The following ACYP2 variants were observed in gnomAD, a reference collection of about 807,000 sequenced individuals.
The protein encoded by ACYP2 is acylphosphatase 2.
Under a neutral mutation model 11.2 loss-of-function variants are expected in ACYP2, and 12 were observed. That is an observed-to-expected ratio of 1.08 (90% CI 0.69 to 1.74). ACYP2 has a LOEUF of 1.74. Ranked by LOEUF, ACYP2 falls within the 40% of genes most tolerant of loss-of-function variation. The probability of loss-of-function intolerance (pLI) is 0.00; values close to 1 mark genes in which losing one functional copy is unlikely to be tolerated. For missense variants in ACYP2, 134 were observed against 101.9 expected, an observed-to-expected ratio of 1.31 and a Z score of -1.35; for synonymous variants, 43 against 32.2, an observed-to-expected ratio of 1.33 and a Z score of -1.13.
chr2:54,273,494 C>A (rs1688407545), intron 6 of ACYP2, among the ~76,000 whole-genome samples: 3 of 152,146 alleles, frequency 2.0e-5, no homozygotes, highest in African/African-American at 7.2e-5. Flanking sequence ...TAGACAGATT[C>A]TGGCTCTGTT....
At chr2:54,220,384 A>C (rs1002984959) in intron 6 of ACYP2, among the ~76,000 whole-genome samples, 1 of 152,176 alleles carries the variant, frequency 6.6e-6, no homozygotes, top group Non-Finnish European at 1.5e-5. Context: ...CTAGAATTTT[A>C]AGTCTATTGA....
chr2:54,107,594 T>G (rs1679233854), intron 4 of ACYP2, among the ~76,000 whole-genome samples: 1 of 152,206 alleles, frequency 6.6e-6, no homozygotes, highest in South Asian at 2.1e-4. Flanking sequence ...AAACAGAAAT[T>G]GTTTAACACT....
intron 6 of ACYP2, among the ~76,000 whole-genome samples, chr2:54,297,848 AC>A (rs1689579754): frequency 6.6e-6 from 1 of 152,226 alleles, no homozygotes; most frequent in Non-Finnish European, 1.5e-5. Flanking sequence ...CTTGAGCAAA[AC>A]TGGAGAAAAT....
chr2:54,249,865 AG>A lies in ACYP2; in HGVS notation c.405-54821del, dbSNP rs552405142. Among the ~76,000 whole-genome samples the A allele has an allele frequency of 2.0e-5, 3 of 147,958 alleles. No individual in the cohort carries two copies. The East Asian group carries it at 6.1e-4, about 30-fold the overall frequency. On this transcript the variant is annotated intron_variant, in intron 6 of 6. Transcript: ENST00000607452. ...TGGCTGAGGCAGATCACTTGAGCCC[AG>A]GAACAGTGAGGCTGCAGTGAGCTGT...
At position 54,051,457 on chromosome 2, in the gene ACYP2, A is replaced by G. The variant is rs1296660599; in HGVS notation, c.155+407A>G. ...CTATATCCCTCCTAAACGGGTGACA[A>G]AAAAGAAGTTTGAGGATCCCAGTGC... On this transcript the variant is annotated intron_variant, in intron 3 of 6. Transcript: ENST00000607452. The G allele has an allele frequency of 1.0e-5, 7 of 693,906 alleles. No homozygotes were observed. The East Asian group carries it at 1.5e-4, about 15-fold the overall frequency. 43.0% of individuals were successfully genotyped at this position (693,906 alleles called of 1,614,324 possible).
At chr2:54,087,855 C>T (rs1290139275) in intron 4 of ACYP2, among the ~76,000 whole-genome samples, 3 of 152,102 alleles carry the variant, frequency 2.0e-5, no homozygotes, top group Admixed American at 1.3e-4. Context: ...GACAGATTCC[C>T]GAACATGAAA....
intron 6 of ACYP2, among the ~76,000 whole-genome samples, chr2:54,180,312 G>A (rs1397228679): frequency 6.6e-6 from 1 of 151,828 alleles, no homozygotes; most frequent in Non-Finnish European, 1.5e-5. Flanking sequence ...ATTGGCCATT[G>A]GAGATCAGCT....
At chr2:53,997,534 G>A (rs1672630740) in intron 2 of ACYP2, among the ~76,000 whole-genome samples, 1 of 141,266 alleles carries the variant, frequency 7.1e-6, no homozygotes, top group African/African-American at 2.5e-5. Context: ...TCGAACTCCT[G>A]ACCTCAGGTG....
intron 6 of ACYP2, chr2:54,256,159 G>C (rs771035317): frequency 1.3e-5 from 21 of 1,606,210 alleles, no homozygotes; most frequent in Admixed American, 1.7e-5. Context: ...CATGTTGGTA[G>C]CGGCCAGGGC....
At chr2:53,973,825 A>G in intron 2 of ACYP2, 1 of 282,872 alleles carries the variant, frequency 3.5e-6, no homozygotes, top group Non-Finnish European at 6.5e-6. Flanking sequence ...TTGGAATAAA[A>G]GGAGGGATTT....
chr2:54,022,033 C>T (rs774068327), intron 2 of ACYP2, among the ~76,000 whole-genome samples: 1 of 152,160 alleles, frequency 6.6e-6, no homozygotes, highest in African/African-American at 2.4e-5. Context: ...TATTACTGAG[C>T]TTGCTTTCCC....
At chr2:54,007,919 G>A (rs958877758) in intron 2 of ACYP2, among the ~76,000 whole-genome samples, 5 of 152,126 alleles carry the variant, frequency 3.3e-5, no homozygotes, top group Admixed American at 1.3e-4. Flanking sequence ...TTAGTTTTGG[G>A]AAGGGCTACT....
rs578131934 is a variant in ACYP2 at position 54,171,017 on chromosome 2, C to A, written c.404+32269C>A. ...TGGTTGTACTGGGAGGCTATCAAGA[C>A]TATCGGGAGGGCTCGGCATTTCATA... is the stretch of plus-strand genomic sequence containing the variant. On this transcript the variant is annotated intron_variant, in intron 6 of 6. Transcript: ENST00000607452. Among the ~76,000 whole-genome samples the A allele has an allele frequency of 6.6e-5, 10 of 152,218 alleles. 1 individual carries two copies. Among genetic ancestry groups the A allele is most frequent in the African/African-American group, 2.4e-4 (10 of 41,534 alleles).
chr2:54,161,175 A>C (rs1210713473), intron 6 of ACYP2, among the ~76,000 whole-genome samples: 2 of 152,216 alleles, frequency 1.3e-5, no homozygotes, highest in East Asian at 3.8e-4. Context: ...TGGATGCTTA[A>C]GGGTGAAAGA....
chr2:54,285,059 C>G (rs562255765), intron 6 of ACYP2, among the ~76,000 whole-genome samples: 2 of 152,318 alleles, frequency 1.3e-5, no homozygotes, highest in East Asian at 3.9e-4. Context: ...GATTCAGCGT[C>G]TGGTGACAGC....
intron 6 of ACYP2, among the ~76,000 whole-genome samples, chr2:54,272,594 C>T (rs553109168): frequency 1.1e-4 from 17 of 152,336 alleles, no homozygotes; most frequent in South Asian, 4.1e-4. Context: ...GCTTCCTTCA[C>T]GACCAGTGGT....
At position 53,998,760 on chromosome 2, in the gene ACYP2, G is replaced by A. The variant is rs558320258; in HGVS notation, c.62+24950G>A. Among the ~76,000 whole-genome samples the A allele has an allele frequency of 3.3e-5, 5 of 152,150 alleles. No homozygotes were observed. In the East Asian group the frequency reaches 7.7e-4, roughly 24 times the overall value. On this transcript the variant is annotated intron_variant, in intron 2 of 6. Coordinates refer to ENST00000607452, the MANE Select transcript of ACYP2 (RefSeq NM_001320586.2). ...GAGCCTAGGAGGCAGAGGTTGCAGT[G>A]AGCCAAAATTGCACCACTGTACTCC...
intron 6 of ACYP2, among the ~76,000 whole-genome samples, chr2:54,194,632 A>G (rs1684380953): frequency 1.3e-5 from 2 of 152,100 alleles, no homozygotes; most frequent in African/African-American, 4.8e-5. Flanking sequence ...ATCAAAGACT[A>G]TGTTATTTTT....
intron 4 of ACYP2, among the ~76,000 whole-genome samples, chr2:54,098,323 C>G (rs1196540232): frequency 1.3e-5 from 2 of 152,070 alleles, no homozygotes. Flanking sequence ...TTCTGATTGT[C>G]TCAAAGTTCT....
Sources: gnomAD v4.1 joint callset for allele counts (sites outside exome capture counted in the v4.1 genomes callset) on GRCh38, gnomAD v4.1.1 for gene constraint, MANE v1.5 for transcripts, NCBI Gene and HGNC (gene_info 2026-07-23, HGNC 2026-07-21) for gene names.